Variants in HIPK2 observed in about 807,000 individuals in gnomAD.
The protein encoded by HIPK2 is homeodomain interacting protein kinase 2, also known as homeodomain-interacting protein kinase 2.
Under a neutral mutation model 113.7 loss-of-function variants are expected in HIPK2, and 27 were observed. The observed-to-expected ratio is 0.24, with a 90% CI of 0.17 to 0.33. The LOEUF (loss-of-function observed/expected upper bound fraction) is 0.33. Among genes scored for constraint, HIPK2 ranks in the 10% least tolerant of loss-of-function variants. The pLI is 1.00. For missense variants in HIPK2, 1,257 were observed against 1,588.0 expected, an observed-to-expected ratio of 0.79 and a Z score of 3.54; for synonymous variants, 631 against 642.2, an observed-to-expected ratio of 0.98 and a Z score of 0.26.
At chr7:139,632,125 A>C (rs1377757382) in intron 2 of HIPK2, among the ~76,000 whole-genome samples, 1 of 152,258 alleles carries the variant, frequency 6.6e-6, no homozygotes, top group Admixed American at 6.5e-5. Flanking sequence ...GGAGTTCTGA[A>C]ACGCAGGTCT....
Position 139,600,590 on chromosome 7 carries a change from C to T in HIPK2, c.2262G>A (p.Thr754=), listed in dbSNP as rs748601389. ...GATTATAATGGCTTCCGTGAGCATG[C>T]GTATTTCTGAAAGGCAACCGGGACA... is the stretch of plus-strand genomic sequence containing the variant. ...GTQQLADWRN[T]HAHGSHYNPI... is the part of the protein sequence containing the mutation. Residue 754 remains threonine (T), a synonymous_variant, in exon 11 of 15, where the codon ACG becomes ACA. Transcript: ENST00000406875. The T allele has an allele frequency of 1.1e-5, 17 of 1,613,456 alleles. No individual in the cohort carries two copies. The highest frequency in any genetic ancestry group is 5.3e-5 in the African/African-American group (4 of 74,920).
intron 12 of HIPK2, 96 bp downstream of exon 12, chr7:139,596,620 AG>A (rs1483953279): frequency 6.8e-7 from 1 of 1,481,182 alleles, no homozygotes; most frequent in African/African-American, 1.4e-5. Flanking sequence ...GTCAGAAGAG[AG>A]GGATCCTTAT....
rs1350248441 is a variant in HIPK2, at chr7:139,571,178, G to T, written c.*1749C>A. On this transcript the variant is annotated 3_prime_UTR_variant, in exon 15 of 15. Transcript: ENST00000406875. ...AGCAGACCTGGGTAATGTGAGGAGA[G>T]AATTCAACAGCAAACAGAGGTTGGT... is the stretch of plus-strand genomic sequence containing the variant. 6.6e-6 allele frequency: 1 copy of T among 152,336 alleles called. No individual in the cohort carries two copies. Among genetic ancestry groups the T allele is most frequent in the Admixed American group, 6.5e-5 (1 of 15,294 alleles). The allele number at this position is 152,336 out of a possible 1,614,324, so 9.4% of individuals were successfully genotyped here.
At chr7:139,651,176 C>G (rs34101657) in intron 2 of HIPK2, among the ~76,000 whole-genome samples, 22 of 152,154 alleles carry the variant, frequency 1.4e-4, no homozygotes, top group Admixed American at 3.9e-4. Flanking sequence ...AGCCCCTGCC[C>G]TGCCCTGATG....
At chr7:139,623,825 G>A (rs1225934506) in intron 6 of HIPK2, among the ~76,000 whole-genome samples, 1 of 152,110 alleles carries the variant, frequency 6.6e-6, no homozygotes, top group African/African-American at 2.4e-5. Context: ...GCCATGATAC[G>A]CACAATTCTC....
At chr7:139,658,132 C>A (rs1023447120) in intron 2 of HIPK2, among the ~76,000 whole-genome samples, 1 of 152,036 alleles carries the variant, frequency 6.6e-6, no homozygotes, top group African/African-American at 2.4e-5. Flanking sequence ...ATGGTGAAAC[C>A]CCGTCTCTAC....
chr7:139,733,975 G>A (rs1795867695), intron 1 of HIPK2, among the ~76,000 whole-genome samples: 1 of 152,196 alleles, frequency 6.6e-6, no homozygotes. Context: ...TGGCGCAAGT[G>A]TGAAGCAAAC....
chr7:139,763,481 C>T (rs540827072), intron 1 of HIPK2, among the ~76,000 whole-genome samples: 1 of 132,864 alleles, frequency 7.5e-6, no homozygotes, highest in African/African-American at 3.1e-5. Context: ...CGCCCCCCCC[C>T]CCACACGCCC....
chr7:139,687,793 C>T (rs1237931823), intron 2 of HIPK2, among the ~76,000 whole-genome samples: 1 of 152,198 alleles, frequency 6.6e-6, no homozygotes, highest in Non-Finnish European at 1.5e-5. Flanking sequence ...AGGCTAAACA[C>T]AATTCTGGCT....
chr7:139,575,377 G>A, intron 13 of HIPK2, 89 bp from the exon 14 acceptor site: 1 of 1,417,116 alleles, frequency 7.1e-7, no homozygotes, highest in South Asian at 1.4e-5. Flanking sequence ...TGGTCTTCCA[G>A]GAAGAAACAT....
chr7:139,595,273 C>T (rs1055123519), intron 12 of HIPK2, among the ~76,000 whole-genome samples: 1 of 152,208 alleles, frequency 6.6e-6, no homozygotes, highest in African/African-American at 2.4e-5. Flanking sequence ...AGGCTTCAGT[C>T]TGGGGCTGGG....
rs770345730 is a variant in HIPK2 at position 139,572,983 on chromosome 7, C to T, written c.3541G>A (p.Val1181Ile). 4 of 1,495,494 alleles carry T rather than the reference C, an allele frequency of 2.7e-6. No homozygotes were observed. The highest frequency in any genetic ancestry group is 2.9e-5 in the African/African-American group (2 of 69,196). The allele number at this position is 1,495,494 out of a possible 1,614,324, so 92.6% of individuals were successfully genotyped here. A position where few individuals can be genotyped will look rare whatever the true frequency, so the allele number is the denominator to read the frequency against. The change falls in exon 15 of 15, where the codon GTC (valine) becomes ATC (isoleucine). Residue 1181 changes from valine to isoleucine, a missense_variant. Transcript: ENST00000406875. Reference sequence around the variant, plus strand: ...GGGCTCAGTGGGTATCCAGTGTAGACGGTGGAGGCTGGCGAGGCGCTGATG... The same window carrying T: ...GGGCTCAGTGGGTATCCAGTGTAGATGGTGGAGGCTGGCGAGGCGCTGATG... ...TYISASPAST[V>I]YTGYPLSPAK...
At chr7:139,687,254 T>C (rs1463024942) in intron 2 of HIPK2, among the ~76,000 whole-genome samples, 5 of 152,232 alleles carry the variant, frequency 3.3e-5, no homozygotes, top group Non-Finnish European at 7.3e-5. Context: ...AAATTAGCTC[T>C]AGTATTTTAA....
intron 1 of HIPK2, among the ~76,000 whole-genome samples, chr7:139,775,372 G>C (rs929658457): frequency 6.6e-6 from 1 of 152,200 alleles, no homozygotes; most frequent in African/African-American, 2.4e-5. Context: ...GATTCTAGAA[G>C]TCACCTGTCT....
At chr7:139,615,437 T>G (rs1171630386) in intron 7 of HIPK2, among the ~76,000 whole-genome samples, 1 of 152,218 alleles carries the variant, frequency 6.6e-6, no homozygotes, top group Non-Finnish European at 1.5e-5. Flanking sequence ...CCATTGACAT[T>G]ATGTCCTCTT....
At chr7:139,682,245 C>T (rs1569473244) in intron 2 of HIPK2, among the ~76,000 whole-genome samples, 1 of 152,242 alleles carries the variant, frequency 6.6e-6, no homozygotes, top group Non-Finnish European at 1.5e-5. Context: ...TCATCCACCA[C>T]ATGCCCTCAC....
chr7:139,598,635 C>T lies in HIPK2; in HGVS notation c.2436-1637G>A, dbSNP rs191820870. The stretch of plus-strand genomic sequence containing the variant: ...TACATACCTTTCACTATAATTATAT[C>T]GATCTTGAAATGTACTGGCAATGAG... On this transcript the variant is annotated intron_variant, in intron 11 of 14. Coordinates refer to ENST00000406875, the MANE Select transcript of HIPK2 (RefSeq NM_022740.5). 5.9e-5 allele frequency among the ~76,000 whole-genome samples: 9 copies of T among 152,240 alleles called. No individual in the cohort carries two copies. In the East Asian group the frequency reaches 1.3e-3, roughly 23 times the overall value.
In HIPK2 at chr7:139,737,612, G is replaced by A. The variant is rs566907444; in HGVS notation, c.20-20597C>T. Among the ~76,000 whole-genome samples the A allele has an allele frequency of 1.2e-4, 18 of 152,226 alleles. No homozygotes were observed. The South Asian group carries it at 1.5e-3, about 12-fold the overall frequency. ...GAGCTGCCAAGGGCCCTGCACATCC[G>A]GCCTCTGCTACACCAGGAGTTTGGG... On this transcript the variant is annotated intron_variant, in intron 1 of 14. Coordinates refer to ENST00000406875, the MANE Select transcript of HIPK2 (RefSeq NM_022740.5).
intron 1 of HIPK2, among the ~76,000 whole-genome samples, chr7:139,727,934 A>T (rs908255267): frequency 5.5e-5 from 7 of 127,808 alleles, no homozygotes; most frequent in Non-Finnish European, 8.0e-5. Flanking sequence ...GGCATTGGCT[A>T]ATTTTTTTTT....
Sources: allele counts gnomAD v4.1 joint callset (sites outside exome capture counted in the v4.1 genomes callset), GRCh38; gene constraint gnomAD v4.1.1; transcripts MANE v1.5; gene names NCBI Gene and HGNC (gene_info 2026-07-23, HGNC 2026-07-21).